Variants in THRB observed in about 807,000 individuals in gnomAD.
THRB encodes the protein nuclear receptor subfamily 1 group A member 2.
In THRB, 12 loss-of-function variants were observed where a neutral mutation model predicts 47.8. The observed-to-expected ratio is 0.25, with a 90% CI of 0.16 to 0.41. The LOEUF (loss-of-function observed/expected upper bound fraction) is 0.41. THRB is among the 10% of genes least tolerant of loss of function. The pLI, the probability that THRB is intolerant of heterozygous loss-of-function variation, is 1.00. For synonymous variants in THRB, 218 were observed against 212.2 expected (o/e 1.03, Z -0.24); for missense variants, 348 against 589.2 (o/e 0.59, Z 4.24).
intron 1 of THRB, among the ~76,000 whole-genome samples, chr3:24,395,437 C>A (rs541837780): frequency 6.6e-6 from 1 of 152,036 alleles, no homozygotes; most frequent in Non-Finnish European, 1.5e-5. Context: ...AACGAATAAT[C>A]CAATTGGAAA....
intron 1 of THRB, among the ~76,000 whole-genome samples, chr3:24,369,628 C>T (rs1221293416): frequency 6.6e-6 from 1 of 152,150 alleles, no homozygotes; most frequent in Non-Finnish European, 1.5e-5. Context: ...TAACACTCCT[C>T]TCCTCTCTTG....
intron 3 of THRB, among the ~76,000 whole-genome samples, chr3:24,284,250 A>G (rs1440021556): frequency 6.6e-6 from 1 of 151,832 alleles, no homozygotes; most frequent in Non-Finnish European, 1.5e-5. Flanking sequence ...TCAACGGAAC[A>G]GAACAGAGCC....
At chr3:24,281,092 C>G (rs908479957) in intron 3 of THRB, among the ~76,000 whole-genome samples, 9 of 152,032 alleles carry the variant, frequency 5.9e-5, no homozygotes, top group Admixed American at 2.6e-4. Flanking sequence ...GAGAACGCCA[C>G]AAAGATACTC....
intron 3 of THRB, among the ~76,000 whole-genome samples, chr3:24,295,139 C>A (rs1424107303): frequency 6.6e-6 from 1 of 152,126 alleles, no homozygotes; most frequent in African/African-American, 2.4e-5. Flanking sequence ...ATAACGGGGG[C>A]TGATATTCTT....
At chr3:24,162,437 G>C (rs1299300928) in intron 5 of THRB, among the ~76,000 whole-genome samples, 1 of 152,026 alleles carries the variant, frequency 6.6e-6, no homozygotes, top group Non-Finnish European at 1.5e-5. Context: ...TGAATGATAG[G>C]GTTCTTTTCA....
intron 2 of THRB, among the ~76,000 whole-genome samples, chr3:24,309,320 A>G (rs9310736): frequency 0.69 from 105,366 of 152,160 alleles, 36,761 homozygotes; most frequent in East Asian, 0.79. Context: ...GTGTTAGCGG[A>G]ATAAAGTTTT....
rs116368305 is a variant in THRB, at chr3:24,396,288, C to A, written c.-260-58917G>T. ...CATTTCTCAAATCCCAATGCCTGGGCCATACCCTAGACCAGTTATATCAGA... is the reference window on the plus strand; with the variant it reads ...CATTTCTCAAATCCCAATGCCTGGGACATACCCTAGACCAGTTATATCAGA... On this transcript the variant is annotated intron_variant, in intron 1 of 10. Coordinates refer to ENST00000646209, the MANE Select transcript of THRB (RefSeq NM_001354712.2). Among the ~76,000 whole-genome samples the A allele has an allele frequency of 4.0e-3, 610 of 152,202 alleles. 3 individuals carry two copies. The highest frequency in any genetic ancestry group is 0.014 in the African/African-American group (573 of 41,556).
chr3:24,373,593 G>C (rs946812964), intron 1 of THRB, among the ~76,000 whole-genome samples: 2 of 152,054 alleles, frequency 1.3e-5, no homozygotes, highest in Admixed American at 6.6e-5. Flanking sequence ...TGAAGCGGCT[G>C]GGAATAACAA....
chr3:24,236,622 A>G (rs2048903136), intron 3 of THRB, among the ~76,000 whole-genome samples: 1 of 152,146 alleles, frequency 6.6e-6, no homozygotes, highest in Non-Finnish European at 1.5e-5. Context: ...TGTCATTACA[A>G]AGATTAAAAG....
intron 1 of THRB, among the ~76,000 whole-genome samples, chr3:24,416,277 C>T (rs1200407787): frequency 1.3e-5 from 2 of 151,668 alleles, no homozygotes; most frequent in East Asian, 3.9e-4. Context: ...AGCCAGTATC[C>T]GCTATCAGGA....
chr3:24,258,292 G>A (rs1052557850), intron 3 of THRB, among the ~76,000 whole-genome samples: 6 of 152,104 alleles, frequency 3.9e-5, no homozygotes, highest in South Asian at 2.1e-4. Flanking sequence ...GGAAAAGGCC[G>A]AAGGGTCTGC....
At chr3:24,410,274 G>T (rs768560311) in intron 1 of THRB, among the ~76,000 whole-genome samples, 1 of 151,846 alleles carries the variant, frequency 6.6e-6, no homozygotes, top group Non-Finnish European at 1.5e-5. Flanking sequence ...TAAATAGAAA[G>T]AAGCAAATGT....
At chr3:24,208,906 A>G (rs1256247875) in intron 4 of THRB, among the ~76,000 whole-genome samples, 2 of 152,234 alleles carry the variant, frequency 1.3e-5, no homozygotes, top group Non-Finnish European at 2.9e-5. Context: ...TGAACAGGCA[A>G]CCTATGGAAT....
intron 1 of THRB, among the ~76,000 whole-genome samples, chr3:24,481,229 G>GTTTTGTTTTTTTT (rs1696316795): frequency 1.8e-5 from 1 of 55,380 alleles, no homozygotes; most frequent in African/African-American, 7.7e-5. Context: ...GTTTCTTTCT[G>GTTTTGTTTTTTTT]TTTTTTTTTT....
intron 4 of THRB, among the ~76,000 whole-genome samples, chr3:24,203,447 A>T (rs1054170022): frequency 6.6e-6 from 1 of 152,154 alleles, no homozygotes; most frequent in African/African-American, 2.4e-5. Flanking sequence ...CTAAATGAAT[A>T]GGGTTGTCTC....
chr3:24,358,185 GTAAT>G (rs2063818689), intron 1 of THRB, among the ~76,000 whole-genome samples: 1 of 152,054 alleles, frequency 6.6e-6, no homozygotes, highest in African/African-American at 2.4e-5. Flanking sequence ...GCTGTATATA[GTAAT>G]TAAATGAGCC....
At chr3:24,460,329 C>A (rs1475115330) in intron 1 of THRB, among the ~76,000 whole-genome samples, 1 of 152,134 alleles carries the variant, frequency 6.6e-6, no homozygotes, top group Non-Finnish European at 1.5e-5. Flanking sequence ...TCATCAGGAA[C>A]ATCACAGAGT....
chr3:24,249,527 T>G (rs1298223386), intron 3 of THRB, among the ~76,000 whole-genome samples: 2 of 152,194 alleles, frequency 1.3e-5, no homozygotes, highest in Non-Finnish European at 2.9e-5. Context: ...TGGATCACTC[T>G]GGCAAGGGCT....
chr3:24,190,083 T>A lies in THRB; in HGVS notation c.274A>T (p.Lys92Ter). 6.2e-7 allele frequency: 1 copy of A among 1,614,106 alleles called. No individual in the cohort carries two copies. Among genetic ancestry groups the A allele is most frequent in the Non-Finnish European group, 8.5e-7 (1 of 1,179,940 alleles). ...SAQTFQTEEKKCKGYIPSYLD... is the reference protein window; with the variant it reads ...SAQTFQTEEK Reference sequence around the variant, plus strand: ...ATAAAAATCTGGTTACCTTTACATTTCTTCTCCTCCGTTTGGAAGGTCTGG... The same window carrying A: ...ATAAAAATCTGGTTACCTTTACATTACTTCTCCTCCGTTTGGAAGGTCTGG... Residue 92 changes from lysine to a stop codon, truncating the protein, a stop_gained, in exon 5 of 11, where the codon AAA (lysine) becomes TAA (stop). Transcript: ENST00000646209. LOFTEE classifies it high-confidence loss of function.
Sources: allele counts gnomAD v4.1 joint callset (sites outside exome capture counted in the v4.1 genomes callset), GRCh38; gene constraint gnomAD v4.1.1; transcripts MANE v1.5; gene names NCBI Gene and HGNC (gene_info 2026-07-23, HGNC 2026-07-21).